Variants in CSGALNACT1 observed in about 807,000 individuals in gnomAD.
The protein encoded by CSGALNACT1 is chondroitin sulfate N-acetylgalactosaminyltransferase 1.
Under a neutral mutation model 51.0 loss-of-function variants are expected in CSGALNACT1, and 52 were observed. The ratio of observed to expected loss-of-function variants is 1.02; its 90% confidence interval spans 0.82 to 1.29. CSGALNACT1 has a LOEUF of 1.29. CSGALNACT1 is among the 50% of genes most tolerant of loss of function. The probability of loss-of-function intolerance (pLI) is 0.00; values close to 1 mark genes in which losing one functional copy is unlikely to be tolerated. For missense variants in CSGALNACT1, 935 were observed against 679.2 expected (o/e 1.38, Z -4.19); for synonymous variants, 341 against 254.4 (o/e 1.34, Z -3.24).
At chr8:19,744,286 T>C (rs1224472075) in intron 1 of CSGALNACT1, among the ~76,000 whole-genome samples, 1 of 152,176 alleles carries the variant, frequency 6.6e-6, no homozygotes, top group Non-Finnish European at 1.5e-5. Flanking sequence ...CTCAATGCAT[T>C]ATTTAGTCCT....
At chr8:19,639,637 G>A (rs2154175694) in intron 1 of CSGALNACT1, among the ~76,000 whole-genome samples, 1 of 152,244 alleles carries the variant, frequency 6.6e-6, no homozygotes. Context: ...TGGGAGTCAG[G>A]AAGATGGGGC....
chr8:19,425,993 C>G (rs920236134), intron 6 of CSGALNACT1, among the ~76,000 whole-genome samples: 18 of 152,170 alleles, frequency 1.2e-4, no homozygotes, highest in Non-Finnish European at 2.4e-4. Flanking sequence ...TGTCCTGGTG[C>G]CTTCAAGTGC....
At chr8:19,435,323 T>C (rs1173277644) in intron 6 of CSGALNACT1, among the ~76,000 whole-genome samples, 2 of 152,032 alleles carry the variant, frequency 1.3e-5, no homozygotes, top group African/African-American at 2.4e-5. Context: ...TGAAACCCCA[T>C]CTCTTCTAAA....
intron 4 of CSGALNACT1, among the ~76,000 whole-genome samples, chr8:19,485,915 C>T (rs7464357): frequency 0.78 from 117,568 of 150,960 alleles, 46,277 homozygotes; most frequent in East Asian, 0.86. Context: ...CACAGGCACA[C>T]GCCACCACAT....
At chr8:19,529,764 G>A (rs2082378148) in intron 3 of CSGALNACT1, among the ~76,000 whole-genome samples, 1 of 152,102 alleles carries the variant, frequency 6.6e-6, no homozygotes, top group South Asian at 2.1e-4. Flanking sequence ...GCTCCCTTAT[G>A]CAAAATGGTG....
chr8:19,415,939 A>T (rs1191945031), intron 8 of CSGALNACT1, among the ~76,000 whole-genome samples: 1 of 152,214 alleles, frequency 6.6e-6, no homozygotes, highest in Non-Finnish European at 1.5e-5. Context: ...GTATTTGTGT[A>T]TCTGAACATA....
intron 1 of CSGALNACT1, among the ~76,000 whole-genome samples, chr8:19,627,538 T>G (rs1010576743): frequency 1.3e-5 from 2 of 151,902 alleles, no homozygotes; most frequent in African/African-American, 4.8e-5. Flanking sequence ...AAAGCAAGCA[T>G]AAGGCCAGGC....
intron 1 of CSGALNACT1, among the ~76,000 whole-genome samples, chr8:19,663,553 A>G (rs2058943991): frequency 6.6e-6 from 1 of 152,192 alleles, no homozygotes; most frequent in Non-Finnish European, 1.5e-5. Flanking sequence ...CAGGGAAGAA[A>G]CAGGCAATTC....
At chr8:19,563,843 C>A (rs1362390233) in intron 3 of CSGALNACT1, among the ~76,000 whole-genome samples, 2 of 152,100 alleles carry the variant, frequency 1.3e-5, no homozygotes, top group African/African-American at 4.8e-5. Flanking sequence ...ACTCAAAGGC[C>A]TCCAACCTCC....
chr8:19,471,989 G>A (rs765188635), intron 4 of CSGALNACT1, among the ~76,000 whole-genome samples: 1 of 152,132 alleles, frequency 6.6e-6, no homozygotes, highest in African/African-American at 2.4e-5. Context: ...TATTGTTGAA[G>A]AACTGTGGGT....
intron 4 of CSGALNACT1, among the ~76,000 whole-genome samples, chr8:19,490,001 A>G (rs1452931291): frequency 1.3e-5 from 2 of 152,208 alleles, no homozygotes; most frequent in African/African-American, 2.4e-5. Flanking sequence ...AATTGCCTTC[A>G]TAGACTAATT....
intron 1 of CSGALNACT1, among the ~76,000 whole-genome samples, chr8:19,622,715 A>T (rs80043469): frequency 0.023 from 3,508 of 152,306 alleles, 155 homozygotes; most frequent in African/African-American, 0.08. Context: ...TAACCACTAC[A>T]AGAATGTAAA....
chr8:19,689,479 G>A (rs552382723), intron 1 of CSGALNACT1, among the ~76,000 whole-genome samples: 10 of 152,202 alleles, frequency 6.6e-5, no homozygotes, highest in South Asian at 4.2e-4. Context: ...GCCTATTTCC[G>A]AACTCAATAA....
At chr8:19,572,502 C>T (rs942034540) in intron 3 of CSGALNACT1, among the ~76,000 whole-genome samples, 1 of 152,164 alleles carries the variant, frequency 6.6e-6, no homozygotes, top group Non-Finnish European at 1.5e-5. Flanking sequence ...CCAAGGCTTA[C>T]GTACCAATGA....
At chr8:19,583,324 C>G (rs538952818) in intron 3 of CSGALNACT1, among the ~76,000 whole-genome samples, 1 of 152,074 alleles carries the variant, frequency 6.6e-6, no homozygotes, top group Non-Finnish European at 1.5e-5. Flanking sequence ...TTGAGTTATT[C>G]TCTAGTATCT....
intron 1 of CSGALNACT1, among the ~76,000 whole-genome samples, chr8:19,728,506 C>T (rs1253287180): frequency 1.3e-5 from 2 of 152,094 alleles, no homozygotes; most frequent in East Asian, 1.9e-4. Context: ...TCATTTTAAA[C>T]TCTTCTATTT....
At chr8:19,511,983 A>G (rs1442235765) in intron 3 of CSGALNACT1, among the ~76,000 whole-genome samples, 1 of 152,196 alleles carries the variant, frequency 6.6e-6, no homozygotes, top group African/African-American at 2.4e-5. Context: ...TCTGCCCTCC[A>G]TGATCCAATC....
intron 1 of CSGALNACT1, among the ~76,000 whole-genome samples, chr8:19,660,626 C>A (rs1224335967): frequency 6.6e-6 from 1 of 152,120 alleles, no homozygotes; most frequent in Non-Finnish European, 1.5e-5. Context: ...TTGTGTGCCA[C>A]CATGCAGGAC....
intron 6 of CSGALNACT1, 150 bp downstream of exon 5, chr8:19,439,680 G>C: frequency 1.4e-6 from 1 of 702,756 alleles, no homozygotes; most frequent in Non-Finnish European, 2.6e-6. Flanking sequence ...GAGGAGTGCA[G>C]ACTTTTCCCT....
Sources: allele counts gnomAD v4.1 joint callset (sites outside exome capture counted in the v4.1 genomes callset), GRCh38; gene constraint gnomAD v4.1.1; transcripts MANE v1.5; gene names NCBI Gene and HGNC (gene_info 2026-07-23, HGNC 2026-07-21).